Variants in PIWIL3 observed in about 807,000 individuals in gnomAD.
PIWIL3 encodes piwi-like protein 3.
In PIWIL3, 101 loss-of-function variants were observed where a neutral mutation model predicts 109.7. The observed-to-expected ratio is 0.92, with a 90% CI of 0.78 to 1.09. The LOEUF (loss-of-function observed/expected upper bound fraction) is 1.09. Ranked by LOEUF, PIWIL3 falls within the 50% of genes least tolerant of loss-of-function variation. The pLI is 0.00. For missense variants in PIWIL3, 1,031 were observed against 1,072.6 expected, an observed-to-expected ratio of 0.96 and a Z score of 0.54; for synonymous variants, 373 against 376.4, an observed-to-expected ratio of 0.99 and a Z score of 0.10.
chr22:24,728,633 C>T (rs1373591564), intron 14 of PIWIL3, among the ~76,000 whole-genome samples: 1 of 152,058 alleles, frequency 6.6e-6, no homozygotes, highest in African/African-American at 2.4e-5. Flanking sequence ...GTAGAAGAAA[C>T]AAATTATAAT....
intron 3 of PIWIL3, 41 bp from the exon 4 acceptor site, chr22:24,758,080 GGA>G: frequency 6.3e-7 from 1 of 1,579,052 alleles, no homozygotes; most frequent in African/African-American, 1.4e-5. Flanking sequence ...CAATAAAAAG[GGA>G]AGAATAGAAA....
At chr22:24,736,690 G>A (rs1270079372) in intron 12 of PIWIL3, among the ~76,000 whole-genome samples, 8 of 151,418 alleles carry the variant, frequency 5.3e-5, no homozygotes, top group East Asian at 1.9e-4. Flanking sequence ...ACTGAAGGTA[G>A]GAAAAACAGT....
chr22:24,723,404 C>T, intron 18 of PIWIL3, 149 bp from the exon 19 acceptor site: 1 of 781,230 alleles, frequency 1.3e-6, no homozygotes, highest in South Asian at 1.9e-5. Context: ...GTCTAAGCTC[C>T]ATGTGCCCGG....
chr22:24,742,151 CAAAAAAAAA>C (rs61071998), intron 12 of PIWIL3, among the ~76,000 whole-genome samples: 2 of 94,588 alleles, frequency 2.1e-5, no homozygotes, highest in African/African-American at 7.9e-5. Context: ...ACAATAGCTG[CAAAAAAAAA>C]AAAAAAAAAA....
Position 24,760,167 on chromosome 22 carries a change from A to C in PIWIL3, c.103-178T>G, listed in dbSNP as rs9612756. On this transcript the variant is annotated intron_variant, in intron 2 of 20. Transcript: ENST00000616349. ...GCACCTTGTGTGGTAATTGCTAAGG[A>C]AAAAAACAAAAAAAGGACAAAACAA... is the stretch of plus-strand genomic sequence containing the variant. 0.41 allele frequency among the ~76,000 whole-genome samples: 62,227 copies of C among 152,016 alleles called. 12,951 individuals carry two copies. The highest frequency in any genetic ancestry group is 0.54 in the East Asian group (2,807 of 5,154).
intron 12 of PIWIL3, among the ~76,000 whole-genome samples, chr22:24,740,213 T>A (rs1324775822): frequency 4.1e-5 from 1 of 24,388 alleles, no homozygotes; most frequent in Non-Finnish European, 1.2e-4. Context: ...GGAGGGAGAC[T>A]GTCTCAAAAA....
chr22:24,732,170 C>T (rs141857474), intron 14 of PIWIL3, among the ~76,000 whole-genome samples: 1,971 of 152,296 alleles, frequency 0.013, 149 homozygotes, highest in Admixed American at 0.12. Flanking sequence ...ATTACATCAA[C>T]GTATTTTCTT....
At position 24,758,040 on chromosome 22, in the gene PIWIL3, C is replaced by A; in HGVS notation, c.224-1G>T. 1 of 1,603,862 alleles carries A rather than the reference C, an allele frequency of 6.2e-7. No homozygotes were observed. The highest frequency in any genetic ancestry group is 8.5e-7 in the Non-Finnish European group (1 of 1,177,334). ...GCCTCAGGTCCAGGTTCCTTCACCC[C>A]TGCATAAATGTAAACGCCAGAAGTT... On this transcript the variant is annotated splice_acceptor_variant, in intron 3 of 20. Transcript: ENST00000616349. LOFTEE classifies it high-confidence loss of function.
At chr22:24,729,088 G>T (rs1021087737) in intron 14 of PIWIL3, among the ~76,000 whole-genome samples, 1 of 152,112 alleles carries the variant, frequency 6.6e-6, no homozygotes, top group Non-Finnish European at 1.5e-5. Context: ...TACACAGTGC[G>T]GACTCCATGG....
chr22:24,736,036 T>C, intron 12 of PIWIL3, 144 bp from the exon 13 acceptor site: 1 of 698,228 alleles, frequency 1.4e-6, no homozygotes, highest in Non-Finnish European at 2.2e-6. Context: ...ATTTTTTTCA[T>C]TAAGATATAG....
chr22:24,763,951 G>A (rs1008143471), intron 1 of PIWIL3, among the ~76,000 whole-genome samples: 1 of 152,190 alleles, frequency 6.6e-6, no homozygotes, highest in African/African-American at 2.4e-5. Flanking sequence ...ACACCGCAGC[G>A]TCCCGGCGCT....
At chr22:24,733,867 A>G (rs911509009) in intron 14 of PIWIL3, among the ~76,000 whole-genome samples, 1 of 152,244 alleles carries the variant, frequency 6.6e-6, no homozygotes, top group African/African-American at 2.4e-5. Flanking sequence ...AGATTTTAAA[A>G]GTAATTACGA....
chr22:24,771,640 T>C (rs1330282858), intron 1 of PIWIL3, among the ~76,000 whole-genome samples: 1 of 152,166 alleles, frequency 6.6e-6, no homozygotes, highest in Non-Finnish European at 1.5e-5. Context: ...TTCTTGTCCT[T>C]CATAACCAAC....
At position 24,719,355 on chromosome 22, in the gene PIWIL3, A is replaced by G. The variant is rs1050098028; in HGVS notation, c.*117T>C. ...TCTGAATCTCTCCTGTGTCCAATCA[A>G]AAACGATGAGAATTTAATGCTATGG... On this transcript the variant is annotated 3_prime_UTR_variant, in exon 21 of 21. Coordinates refer to ENST00000616349, the MANE Select transcript of PIWIL3 (RefSeq NM_001255975.1). 4 of 795,768 alleles carry G rather than the reference A, an allele frequency of 5.0e-6. No individual in the cohort carries two copies. The African/African-American group carries it at 6.9e-5, about 14-fold the overall frequency. The allele number at this position is 795,768 out of a possible 1,614,324, so 49.3% of individuals were successfully genotyped here. A position where few individuals can be genotyped will look rare whatever the true frequency, so the allele number is the denominator to read the frequency against.
chr22:24,720,265 T>TGG (rs1569093638), intron 19 of PIWIL3, among the ~76,000 whole-genome samples: 1 of 55,480 alleles, frequency 1.8e-5, no homozygotes, highest in Non-Finnish European at 3.2e-5. Flanking sequence ...AACTGTTTTT[T>TGG]TTTTTTTTTT....
At chr22:24,744,207 A>AAAAAAC (rs1569103685) in intron 12 of PIWIL3, among the ~76,000 whole-genome samples, 2 of 135,036 alleles carry the variant, frequency 1.5e-5, no homozygotes, top group Non-Finnish European at 3.2e-5. Context: ...AAAAAAAAAA[A>AAAAAAC]CAATGATCTG....
intron 4 of PIWIL3, among the ~76,000 whole-genome samples, chr22:24,757,098 A>AAAAAAAAAAAAAAAAAAAAG (rs1555912998): frequency 6.8e-6 from 1 of 146,524 alleles, no homozygotes; most frequent in African/African-American, 2.6e-5. Context: ...AAAAAAAAAA[A>AAAAAAAAAAAAAAAAAAAAG]AAAAGAAAAG....
At position 24,754,859 on chromosome 22, in the gene PIWIL3, A is replaced by G. The variant is rs1408177631; in HGVS notation, c.698T>C (p.Phe233Ser). The G allele has an allele frequency of 3.7e-6, 6 of 1,611,048 alleles. No homozygotes were observed. The highest frequency in any genetic ancestry group is 5.1e-6 in the Non-Finnish European group (6 of 1,177,404). Residue 233 changes from phenylalanine (F) to serine (S), a missense_variant, in exon 7 of 21, where the codon TTC becomes TCC. Phe to Ser is a radical substitution (Grantham distance 155). Coordinates refer to ENST00000616349, the MANE Select transcript of PIWIL3 (RefSeq NM_001255975.1). ...AACTTGTTCAAAATCCAGCAGCTTG[A>G]AAGTTCTGGAAATGGAAAGAATAGA... ...RYYNILFRRT[F>S]KLLDFEQVGR...
chr22:24,751,396 GTAGTCTATA>G lies in PIWIL3; in HGVS notation c.1071_1079del (p.Ile358_Tyr360del), dbSNP rs1263718825. 1 of 1,609,330 alleles carries G rather than the reference GTAGTCTATA, an allele frequency of 6.2e-7. No homozygotes were observed. The highest frequency in any genetic ancestry group is 8.5e-7 in the Non-Finnish European group (1 of 1,178,746). ...AAATACAGTTTCATACCTGCCTGTA[GTAGTCTATA>G]TAGGTGATTTTGCTGCCATCTGATT... On this transcript the variant is annotated inframe_deletion, in exon 9 of 21. Coordinates refer to ENST00000616349, the MANE Select transcript of PIWIL3 (RefSeq NM_001255975.1).
Sources: gnomAD v4.1 joint callset for allele counts (sites outside exome capture counted in the v4.1 genomes callset) on GRCh38, gnomAD v4.1.1 for gene constraint, MANE v1.5 for transcripts, NCBI Gene and HGNC (gene_info 2026-07-23, HGNC 2026-07-21) for gene names.